The following PHTF1 variants were observed in gnomAD, a reference collection of about 807,000 sequenced individuals.
PHTF1 encodes protein PHTF1.
A neutral mutation model predicts 102.4 loss-of-function variants in PHTF1; 88 were observed. The observed-to-expected ratio is 0.86, with a 90% confidence interval of 0.72 to 1.03. The LOEUF (loss-of-function observed/expected upper bound fraction) is 1.03. Ranked by LOEUF, PHTF1 falls within the 50% of genes least tolerant of loss-of-function variation. The probability of loss-of-function intolerance (pLI) is 0.00; values close to 1 mark genes in which losing one functional copy is unlikely to be tolerated. For synonymous variants in PHTF1, 289 were observed against 305.2 expected (o/e 0.95, Z 0.55); for missense variants, 814 against 909.5 (o/e 0.89, Z 1.35).
chr1:113,728,638 G>A (rs1045766381), intron 5 of PHTF1, among the ~76,000 whole-genome samples: 1 of 152,250 alleles, frequency 6.6e-6, no homozygotes, highest in Non-Finnish European at 1.5e-5. Context: ...GTTGGGCACT[G>A]TGGCTCATGC....
At chr1:113,749,633 A>G (rs1191118272) in intron 3 of PHTF1, 1 of 152,240 alleles carries the variant, frequency 6.6e-6, no homozygotes, top group African/African-American at 2.4e-5. Flanking sequence ...ACATGGAATA[A>G]GGAAGATCTG....
chr1:113,704,035 A>G (rs776136549), intron 15 of PHTF1, 46 bp downstream of exon 15: 50 of 1,227,006 alleles, frequency 4.1e-5, no homozygotes, highest in African/African-American at 7.5e-5. Context: ...AGTGAACTCT[A>G]TAATAGAATT....
Position 113,713,407 on chromosome 1 carries a change from C to T in PHTF1, c.655G>A (p.Gly219Arg), listed in dbSNP as rs773486132. 13 of 1,576,692 alleles carry T rather than the reference C, an allele frequency of 8.2e-6. No homozygotes were observed. In the East Asian group the frequency reaches 2.0e-4, roughly 24 times the overall value. Reference protein sequence around the residue: ...IKRVKLISNKGTETDNDPSCV... With the variant: ...IKRVKLISNKRTETDNDPSCV... ...CTTGGGTCATTGTCAGTTTCAGTCC[C>T]TTTGTTAGATATTAATTTTACTCTT... Residue 219 changes from glycine to arginine, a missense_variant, in exon 8 of 19, where the codon GGG (glycine) becomes AGG (arginine). Coordinates refer to ENST00000369604, the MANE Select transcript of PHTF1 (RefSeq NM_001323043.2).
Position 113,710,303 on chromosome 1 carries a change from G to A in PHTF1, c.1220C>T (p.Thr407Ile), listed in dbSNP as rs757486106. The A allele has an allele frequency of 6.2e-6, 10 of 1,613,900 alleles. No individual in the cohort carries two copies. In the Admixed American group the frequency reaches 6.7e-5, roughly 11 times the overall value. ...GTCACGTTTGGTCCCTGAGTGAAGG[G>A]TATTCACATGGGCCCCCTCACTGTC... is the stretch of plus-strand genomic sequence containing the variant. ...TSDSEGAHVN[T>I]LHSGTKRDPK... The change falls in exon 11 of 19, where the codon ACC becomes ATC. Residue 407 changes from threonine (T) to isoleucine (I), a missense_variant. Coordinates refer to ENST00000369604, the MANE Select transcript of PHTF1 (RefSeq NM_001323043.2).
intron 15 of PHTF1, among the ~76,000 whole-genome samples, chr1:113,703,091 T>A (rs774560029): frequency 2.6e-5 from 4 of 152,022 alleles, no homozygotes; most frequent in Admixed American, 6.6e-5. Context: ...AAATCCACAA[T>A]CAGACTTAAA....
At chr1:113,749,483 CCATT>C (rs1439223112) in intron 3 of PHTF1, 1 of 152,158 alleles carries the variant, frequency 6.6e-6, no homozygotes, top group Non-Finnish European at 1.5e-5. Flanking sequence ...CACTTAATCC[CCATT>C]ATTAGTGCAG....
In PHTF1 at chr1:113,738,188, G is replaced by GA. The variant is rs752973065; in HGVS notation, c.252dup (p.Pro85SerfsTer43). 5.6e-6 allele frequency: 9 copies of GA among 1,613,418 alleles called. No homozygotes were observed. The Admixed American group carries it at 8.3e-5, about 15-fold the overall frequency. On this transcript the variant is annotated frameshift_variant, in exon 5 of 19. Transcript: ENST00000369604. LOFTEE classifies it high-confidence loss of function. ...TGAATCCACCAATTGCTGAACAATG[G>GA]AAAAAATACAACTCGAACAAGCCCC...
At chr1:113,727,579 T>G (rs1318033489) in intron 5 of PHTF1, among the ~76,000 whole-genome samples, 1 of 152,218 alleles carries the variant, frequency 6.6e-6, no homozygotes, top group African/African-American at 2.4e-5. Flanking sequence ...GCTTAAGTAT[T>G]TGTTGACTCA....
chr1:113,726,671 TA>T, intron 5 of PHTF1, 97 bp from the exon 6 acceptor site: 1 of 792,356 alleles, frequency 1.3e-6, no homozygotes, highest in South Asian at 2.2e-5. Flanking sequence ...ATCCATCATT[TA>T]AAAAAGTACA....
intron 5 of PHTF1, among the ~76,000 whole-genome samples, chr1:113,726,822 A>G (rs1653918814): frequency 6.6e-6 from 1 of 152,192 alleles, no homozygotes; most frequent in African/African-American, 2.4e-5. Flanking sequence ...TAGATATTTC[A>G]AAAGGGTTTC....
chr1:113,745,928 T>C (rs1657168891), intron 3 of PHTF1, among the ~76,000 whole-genome samples: 1 of 152,220 alleles, frequency 6.6e-6, no homozygotes, highest in African/African-American at 2.4e-5. Context: ...GCTTGAATCA[T>C]TGTAAAACCA....
chr1:113,718,345 G>T (rs1652394889), intron 7 of PHTF1, among the ~76,000 whole-genome samples: 1 of 152,202 alleles, frequency 6.6e-6, no homozygotes, highest in Non-Finnish European at 1.5e-5. Context: ...GCAGGGTAAA[G>T]CCTCCCTCCT....
chr1:113,730,988 T>C (rs1299329661), intron 5 of PHTF1, among the ~76,000 whole-genome samples: 1 of 152,188 alleles, frequency 6.6e-6, no homozygotes, highest in South Asian at 2.1e-4. Context: ...CAAGGTAGAA[T>C]GGTGGTTGCC....
At chr1:113,733,321 C>T (rs899266798) in intron 5 of PHTF1, among the ~76,000 whole-genome samples, 1 of 151,880 alleles carries the variant, frequency 6.6e-6, no homozygotes, top group Non-Finnish European at 1.5e-5. Flanking sequence ...TACTAAAAGC[C>T]TTAAATGTCC....
Position 113,717,455 on chromosome 1 carries a change from T to C in PHTF1, c.624-4017A>G, listed in dbSNP as rs540158537. ...TAATGCATTAAAAAAACAAAATCCA[T>C]GATCTGTTACCTACAAGAAACAAAC... On this transcript the variant is annotated intron_variant, in intron 7 of 18. Transcript: ENST00000369604. Among the ~76,000 whole-genome samples the C allele has an allele frequency of 2.8e-3, 428 of 152,084 alleles. 1 individual carries two copies. Among genetic ancestry groups the C allele is most frequent in the African/African-American group, 9.0e-3 (372 of 41,494 alleles).
intron 7 of PHTF1, chr1:113,714,127 C>A (rs1312809902): frequency 6.6e-6 from 1 of 152,132 alleles, no homozygotes; most frequent in East Asian, 1.9e-4. Context: ...CAGTGGTAGC[C>A]AGGCAGTACT....
chr1:113,756,345 C>T (rs1658878082), intron 3 of PHTF1, among the ~76,000 whole-genome samples: 1 of 152,182 alleles, frequency 6.6e-6, no homozygotes, highest in Non-Finnish European at 1.5e-5. Flanking sequence ...AGTTAGTCGG[C>T]TACTTGTTGT....
At chr1:113,752,449 G>C (rs1658237772) in intron 3 of PHTF1, among the ~76,000 whole-genome samples, 1 of 133,798 alleles carries the variant, frequency 7.5e-6, no homozygotes, top group African/African-American at 2.9e-5. Flanking sequence ...GTCCAGGCTG[G>C]AGTGCAGTGG....
intron 18 of PHTF1, 90 bp from the exon 19 acceptor site, chr1:113,697,815 C>A: frequency 1.2e-6 from 1 of 849,868 alleles, no homozygotes; most frequent in Non-Finnish European, 2.0e-6. Flanking sequence ...ACTAAGAATC[C>A]TTTATAAAAG....
Sources: allele counts gnomAD v4.1 joint callset (sites outside exome capture counted in the v4.1 genomes callset), GRCh38; gene constraint gnomAD v4.1.1; transcripts MANE v1.5; gene names NCBI Gene and HGNC (gene_info 2026-07-23, HGNC 2026-07-21).